ADGRV1: variants seen among roughly 807,000 people sequenced by gnomAD.
ADGRV1 encodes the protein adhesion G protein-coupled receptor V1.
In ADGRV1, 359 loss-of-function variants were observed where a neutral mutation model predicts 596.2. The observed-to-expected ratio is 0.60, with a 90% CI of 0.55 to 0.66. The LOEUF is 0.66. Ranked by LOEUF, ADGRV1 falls within the 30% of genes least tolerant of loss-of-function variation. ADGRV1 has a pLI of 0.00. For synonymous variants in ADGRV1, 2,681 were observed against 2,679.2 expected (o/e 1.00, Z -0.02); for missense variants, 7,274 against 7,575.6 (o/e 0.96, Z 1.48).
At chr5:91,093,198 G>A (rs1339418673) in intron 86 of ADGRV1, among the ~76,000 whole-genome samples, 3 of 152,166 alleles carry the variant, frequency 2.0e-5, no homozygotes, top group African/African-American at 2.4e-5. Context: ...CACCCAACAG[G>A]CTCAAAAGTG....
Position 90,651,655 on chromosome 5 carries a change from A to G in ADGRV1, c.3341A>G (p.Asn1114Ser), listed in dbSNP as rs1768643924. ...YGVATVIIEA[N>S]DDPNGIFSLE... Reference sequence around the variant, plus strand: ...GTAGCTACAGTAATAATTGAAGCTAATGATGACCCAAATGGCATTTTTTCT... The same window carrying G: ...GTAGCTACAGTAATAATTGAAGCTAGTGATGACCCAAATGGCATTTTTTCT... Residue 1114 changes from asparagine (N) to serine (S), a missense_variant, in exon 18 of 90, where the codon AAT (asparagine) becomes AGT (serine). Coordinates refer to ENST00000405460, the MANE Select transcript of ADGRV1 (RefSeq NM_032119.4). The G allele has an allele frequency of 6.2e-7, 1 of 1,611,906 alleles. No homozygotes were observed. Among genetic ancestry groups the G allele is most frequent in the Non-Finnish European group, 8.5e-7 (1 of 1,178,312 alleles).
chr5:91,052,220 G>T (rs1786401779), intron 85 of ADGRV1, among the ~76,000 whole-genome samples: 1 of 151,474 alleles, frequency 6.6e-6, no homozygotes, highest in South Asian at 2.1e-4. Context: ...AAGAAAGGGA[G>T]CTACAAGAAA....
intron 85 of ADGRV1, among the ~76,000 whole-genome samples, chr5:91,042,168 A>C (rs1257791426): frequency 2.0e-5 from 3 of 152,224 alleles, no homozygotes; most frequent in South Asian, 2.1e-4. Context: ...CTCTGAAATC[A>C]GTAGAGTAGT....
At chr5:90,784,740 A>C (rs1442322578) in intron 67 of ADGRV1, among the ~76,000 whole-genome samples, 5 of 152,038 alleles carry the variant, frequency 3.3e-5, no homozygotes, top group African/African-American at 1.2e-4. Flanking sequence ...AGCCAGGTTA[A>C]AGATGTCCAT....
chr5:91,014,836 A>G lies in ADGRV1; in HGVS notation c.18152+29314A>G, dbSNP rs574426319. Among the ~76,000 whole-genome samples the G allele has an allele frequency of 5.0e-5, 5 of 100,304 alleles. No individual in the cohort carries two copies. The East Asian group carries it at 8.9e-4, about 18-fold the overall frequency. 65.8% of individuals were successfully genotyped at this position (100,304 alleles called of 152,430 possible). A position where few individuals can be genotyped will look rare whatever the true frequency, so the allele number is the denominator to read the frequency against. ...TATATCTTATTAATTTTTTCAAAAA[A>G]CCAACTCCATCTTTCGAATGGTTTT... On this transcript the variant is annotated intron_variant, in intron 85 of 89. Coordinates refer to ENST00000405460, the MANE Select transcript of ADGRV1 (RefSeq NM_032119.4).
chr5:90,593,291 G>A (rs1443181144), intron 1 of ADGRV1, among the ~76,000 whole-genome samples: 1 of 152,208 alleles, frequency 6.6e-6, no homozygotes, highest in Non-Finnish European at 1.5e-5. Flanking sequence ...ATGAGTTCAT[G>A]TGCTTTGCAG....
Position 90,564,622 on chromosome 5 carries a change from TA to T in ADGRV1, c.22+5706del, listed in dbSNP as rs1246829902. Among the ~76,000 whole-genome samples the T allele has an allele frequency of 2.4e-3, 44 of 18,450 alleles. 10 individuals are homozygous for T. Among genetic ancestry groups the T allele is most frequent in the African/African-American group, 8.3e-3 (18 of 2,170 alleles). The allele number at this position is 18,450 out of a possible 152,430, so 12.1% of individuals were successfully genotyped here. A position where few individuals can be genotyped will look rare whatever the true frequency, so the allele number is the denominator to read the frequency against. Reference sequence around the variant, plus strand: ...ATTTCCATGGCGTTTAATATATATATATATTTTTTTTTTTTTTTTTTTGAGA... The same window carrying T: ...ATTTCCATGGCGTTTAATATATATATTATTTTTTTTTTTTTTTTTTTGAGA... On this transcript the variant is annotated intron_variant, in intron 1 of 89. Transcript: ENST00000405460.
chr5:90,780,181 A>G (rs1758689721), intron 64 of ADGRV1: 1 of 152,106 alleles, frequency 6.6e-6, no homozygotes, highest in Non-Finnish European at 1.5e-5. Flanking sequence ...CTTCTTTGCT[A>G]CTGTTTTTTT....
In ADGRV1 at chr5:90,705,413, C is replaced by T. The variant is rs750169738; in HGVS notation, c.8400C>T (p.Ala2800=). 37 of 1,613,146 alleles carry T rather than the reference C, an allele frequency of 2.3e-5. No homozygotes were observed. The South Asian group carries it at 2.5e-4, about 11-fold the overall frequency. ...YDVRTQGVPP[A]GIALLDAQGY... ...TGACATTTTTAGGAGTTCCACCAGC[C>T]GGAATCGCCCTGCTTGATGCTCAAG... Residue 2800 remains alanine (A), a synonymous_variant, in exon 37 of 90, where the codon GCC becomes GCT. Transcript: ENST00000405460.
rs981671592 is a variant in ADGRV1, at chr5:91,059,377, A to AT, written c.18153-13062dup. 5.9e-5 allele frequency among the ~76,000 whole-genome samples: 9 copies of AT among 151,890 alleles called. No individual in the cohort carries two copies. In the East Asian group the frequency reaches 7.8e-4, roughly 13 times the overall value. On this transcript the variant is annotated intron_variant, in intron 85 of 89. Transcript: ENST00000405460. ...CCTCAGAGCCTTCATTATTACCAGT[A>AT]TTTTTTTTGCAAGCAGAATTATTCT...
At chr5:90,600,489 A>C (rs1171113105) in intron 1 of ADGRV1, among the ~76,000 whole-genome samples, 21 of 152,186 alleles carry the variant, frequency 1.4e-4, no homozygotes, top group Admixed American at 1.4e-3. Flanking sequence ...TGAACTCATC[A>C]TTTTTTATGG....
chr5:91,158,859 GGATGGATGGATGGATGGATGGAT>G (rs1796696850), intron 89 of ADGRV1, among the ~76,000 whole-genome samples: 2 of 150,486 alleles, frequency 1.3e-5, no homozygotes, highest in Admixed American at 1.3e-4. Flanking sequence ...GTGGATGGAT[GGATGGATGGATGGATGGATGGAT>G]GGATGGATGG....
At chr5:91,033,004 A>C (rs1371258460) in intron 85 of ADGRV1, among the ~76,000 whole-genome samples, 2 of 152,168 alleles carry the variant, frequency 1.3e-5, no homozygotes, top group Non-Finnish European at 2.9e-5. Context: ...GTTTATATCA[A>C]ATCTAGAGCC....
chr5:90,612,891 C>T (rs1317024849), intron 1 of ADGRV1, among the ~76,000 whole-genome samples: 1 of 152,068 alleles, frequency 6.6e-6, no homozygotes, highest in Admixed American at 6.6e-5. Flanking sequence ...CAGTAATTCT[C>T]AAAGTGAATT....
chr5:90,622,526 G>C, intron 4 of ADGRV1, 71 bp from the exon 5 acceptor site: 1 of 534,728 alleles, frequency 1.9e-6, no homozygotes, highest in Non-Finnish European at 3.1e-6. Context: ...CGTTTCTGAG[G>C]TAATAGTTTT....
At chr5:90,974,509 C>T (rs377243643) in intron 84 of ADGRV1, among the ~76,000 whole-genome samples, 4 of 152,038 alleles carry the variant, frequency 2.6e-5, no homozygotes, top group Non-Finnish European at 1.5e-5. Flanking sequence ...GAGATATAGA[C>T]CAATGGAACA....
chr5:90,665,434 G>A (rs1479814376), intron 21 of ADGRV1, among the ~76,000 whole-genome samples: 1 of 152,046 alleles, frequency 6.6e-6, no homozygotes. Context: ...ATGGTAGTTT[G>A]TATTTCTGTG....
rs562321922 is a variant in ADGRV1, at chr5:91,059,074, T to C, written c.18153-13373T>C. Reference sequence around the variant, plus strand: ...TTTTTAATGCAAATTAAATCTTGTATACTGTATACATAGGAGGATTTGGGC... The same window carrying C: ...TTTTTAATGCAAATTAAATCTTGTACACTGTATACATAGGAGGATTTGGGC... On this transcript the variant is annotated intron_variant, in intron 85 of 89. Transcript: ENST00000405460. Among the ~76,000 whole-genome samples the C allele has an allele frequency of 2.0e-5, 3 of 152,352 alleles. No individual in the cohort carries two copies. The South Asian group carries it at 6.2e-4, about 32-fold the overall frequency.
chr5:91,114,452 A>G (rs1175514247), intron 87 of ADGRV1, among the ~76,000 whole-genome samples: 1 of 150,922 alleles, frequency 6.6e-6, no homozygotes, highest in Admixed American at 6.6e-5. Context: ...TCTTGAACCC[A>G]GGAAGCGGAG....
Sources: allele counts gnomAD v4.1 joint callset (sites outside exome capture counted in the v4.1 genomes callset), GRCh38; gene constraint gnomAD v4.1.1; transcripts MANE v1.5; gene names NCBI Gene and HGNC (gene_info 2026-07-23, HGNC 2026-07-21).